The following STPG2 variants were observed in gnomAD, a reference collection of about 807,000 sequenced individuals.
The protein encoded by STPG2 is sperm-tail PG-rich repeat-containing protein 2.
Under a neutral mutation model 54.2 loss-of-function variants are expected in STPG2, and 56 were observed. The ratio of observed to expected loss-of-function variants is 1.03; its 90% CI spans 0.83 to 1.29. STPG2 has a LOEUF of 1.29. Among genes scored for constraint, STPG2 ranks in the 50% most tolerant of loss-of-function variants. STPG2 has a pLI of 0.00. For missense variants in STPG2, 596 were observed against 544.9 expected, an observed-to-expected ratio of 1.09 and a Z score of -0.93; for synonymous variants, 200 against 181.8, an observed-to-expected ratio of 1.10 and a Z score of -0.81.
chr4:97,997,085 T>G (rs1735264353), intron 5 of STPG2, among the ~76,000 whole-genome samples: 1 of 152,224 alleles, frequency 6.6e-6, no homozygotes, highest in Non-Finnish European at 1.5e-5. Flanking sequence ...ATCCCATTAT[T>G]GGGTATCTAT....
chr4:97,595,386 G>A, intron 10 of STPG2, among the ~76,000 whole-genome samples: 1 of 152,084 alleles, frequency 6.6e-6, no homozygotes, highest in Non-Finnish European at 1.5e-5. Flanking sequence ...ACTCATAGGT[G>A]GGAATTGAAC....
In STPG2 at chr4:97,467,673, T is replaced by C. The variant is rs575144629; in HGVS notation, c.462+245026A>G. Among the ~76,000 whole-genome samples the C allele has an allele frequency of 2.2e-4, 34 of 151,918 alleles. No homozygotes were observed. In the South Asian group the frequency reaches 3.7e-3, roughly 17 times the overall value. ...AAACCATTATGAGAAAGTAGGCAAA[T>C]AGGCTAAAAATTTAGATTGTTTTGT... On this transcript the variant is annotated intron_variant, in intron 4 of 4. Transcript: ENST00000522676.
chr4:98,076,441 T>C (rs1197071107), intron 5 of STPG2, among the ~76,000 whole-genome samples: 1 of 152,190 alleles, frequency 6.6e-6, no homozygotes, highest in Non-Finnish European at 1.5e-5. Context: ...TATCAACATG[T>C]TTGTTTCCAC....
chr4:97,986,943 T>C (rs1298419811), intron 5 of STPG2, among the ~76,000 whole-genome samples: 1 of 152,210 alleles, frequency 6.6e-6, no homozygotes, highest in Admixed American at 6.5e-5. Flanking sequence ...TCATACTTTC[T>C]ATCTTCTGAA....
chr4:97,857,859 A>G (rs1258883360), intron 8 of STPG2, among the ~76,000 whole-genome samples: 1 of 152,080 alleles, frequency 6.6e-6, no homozygotes, highest in East Asian at 1.9e-4. Flanking sequence ...TAATTTAAAA[A>G]ATCAAGTAGA....
At chr4:98,050,366 T>C (rs1737277970) in intron 5 of STPG2, among the ~76,000 whole-genome samples, 1 of 152,146 alleles carries the variant, frequency 6.6e-6, no homozygotes, top group South Asian at 2.1e-4. Context: ...TAAAGCTGAG[T>C]GATGGGCACA....
At chr4:97,901,531 TAAC>T (rs1731177278) in intron 8 of STPG2, among the ~76,000 whole-genome samples, 1 of 152,008 alleles carries the variant, frequency 6.6e-6, no homozygotes, top group African/African-American at 2.4e-5. Context: ...ATGCTTGCAC[TAAC>T]AACAAACTAT....
chr4:97,856,102 ATGC>A (rs1729326573), intron 8 of STPG2, among the ~76,000 whole-genome samples: 1 of 152,162 alleles, frequency 6.6e-6, no homozygotes. Context: ...AGGTAGCATG[ATGC>A]CTCCAGCTAT....
chr4:97,902,161 T>C (rs1179563199), intron 8 of STPG2, among the ~76,000 whole-genome samples: 1 of 151,978 alleles, frequency 6.6e-6, no homozygotes, highest in Non-Finnish European at 1.5e-5. Context: ...TCAAAATCAA[T>C]TAAAGACTTA....
intron 5 of STPG2, among the ~76,000 whole-genome samples, chr4:98,034,183 G>T (rs1560647572): frequency 6.6e-6 from 1 of 152,214 alleles, no homozygotes; most frequent in Admixed American, 6.5e-5. Flanking sequence ...CAGATGACAT[G>T]ATTGTATATT....
At chr4:98,018,797 T>A (rs1005634668) in intron 5 of STPG2, among the ~76,000 whole-genome samples, 7 of 152,242 alleles carry the variant, frequency 4.6e-5, no homozygotes, top group African/African-American at 1.7e-4. Flanking sequence ...CATGTGTTTT[T>A]TGGCTGCATA....
Position 98,058,358 on chromosome 4 carries a change from G to A in STPG2, c.612+47595C>T, listed in dbSNP as rs527366191. The stretch of plus-strand genomic sequence containing the variant: ...ACACATAGGCTCAAAATACAAGGAT[G>A]GAGGAAAATCTACCAAACAAATGGA... On this transcript the variant is annotated intron_variant, in intron 5 of 10. Transcript: ENST00000295268. 1.1e-3 allele frequency among the ~76,000 whole-genome samples: 163 copies of A among 152,224 alleles called. 1 individual carries two copies. Among genetic ancestry groups the A allele is most frequent in the Admixed American group, 1.8e-3 (27 of 15,280 alleles).
Position 97,509,876 on chromosome 4 carries a change from T to C in STPG2, c.462+202823A>G, listed in dbSNP as rs138776491. 5.9e-5 allele frequency among the ~76,000 whole-genome samples: 9 copies of C among 152,122 alleles called. No individual in the cohort carries two copies. The East Asian group carries it at 9.7e-4, about 16-fold the overall frequency. ...ATTAATTTTCAAAAATTTAAGAACATTGAAACCTTATCAATGACTTTACAT... is the reference window on the plus strand; with the variant it reads ...ATTAATTTTCAAAAATTTAAGAACACTGAAACCTTATCAATGACTTTACAT... On this transcript the variant is annotated intron_variant, in intron 4 of 4. Coordinates refer to the STPG2 transcript ENST00000522676.
At chr4:97,976,616 G>A (rs1734507275) in intron 6 of STPG2, among the ~76,000 whole-genome samples, 1 of 152,174 alleles carries the variant, frequency 6.6e-6, no homozygotes, top group Non-Finnish European at 1.5e-5. Flanking sequence ...CAAACATTTT[G>A]GAGCTCCACA....
At chr4:97,709,286 T>C (rs1724041441) in intron 10 of STPG2, among the ~76,000 whole-genome samples, 1 of 151,718 alleles carries the variant, frequency 6.6e-6, no homozygotes, top group African/African-American at 2.4e-5. Context: ...AGAATCTCAA[T>C]TTTTAAATTT....
At chr4:97,491,329 T>C (rs1730498830) in intron 4 of STPG2, among the ~76,000 whole-genome samples, 1 of 151,546 alleles carries the variant, frequency 6.6e-6, no homozygotes, top group African/African-American at 2.4e-5. Flanking sequence ...AGCTTCTTCT[T>C]ACCTCACCCC....
At chr4:98,062,369 A>T (rs1480510271) in intron 5 of STPG2, among the ~76,000 whole-genome samples, 2 of 152,182 alleles carry the variant, frequency 1.3e-5, no homozygotes, top group Non-Finnish European at 2.9e-5. Context: ...TTCCTAGGTG[A>T]TGAAATAATC....
At chr4:98,038,232 T>C (rs1378789783) in intron 5 of STPG2, among the ~76,000 whole-genome samples, 3 of 152,018 alleles carry the variant, frequency 2.0e-5, no homozygotes, top group African/African-American at 4.8e-5. Flanking sequence ...GAAGATCATA[T>C]GTCTATGAAA....
intron 9 of STPG2, among the ~76,000 whole-genome samples, chr4:97,822,022 A>T (rs1473402163): frequency 2.0e-5 from 3 of 152,148 alleles, no homozygotes; most frequent in Non-Finnish European, 4.4e-5. Context: ...TTCATCTCCT[A>T]ATAATGCTTT....
Sources: gnomAD v4.1 joint callset for allele counts (sites outside exome capture counted in the v4.1 genomes callset) on GRCh38, gnomAD v4.1.1 for gene constraint, MANE v1.5 for transcripts, NCBI Gene and HGNC (gene_info 2026-07-23, HGNC 2026-07-21) for gene names.